OXCT1: variants seen among roughly 807,000 people sequenced by gnomAD.
The protein encoded by OXCT1 is succinyl-CoA:3-ketoacid coenzyme A transferase 1, mitochondrial.
A neutral mutation model predicts 69.6 loss-of-function variants in OXCT1; 27 were observed. The observed-to-expected ratio is 0.39, with a 90% CI of 0.29 to 0.54. The LOEUF is 0.54. Among genes scored for constraint, OXCT1 ranks in the 20% least tolerant of loss-of-function variants. OXCT1 has a pLI of 0.72. For missense variants in OXCT1, 437 were observed against 650.2 expected, an observed-to-expected ratio of 0.67 and a Z score of 3.57; for synonymous variants, 202 against 217.8, an observed-to-expected ratio of 0.93 and a Z score of 0.64.
chr5:41,743,796 G>C (rs1202163626), intron 15 of OXCT1, among the ~76,000 whole-genome samples: 1 of 152,168 alleles, frequency 6.6e-6, no homozygotes, highest in Non-Finnish European at 1.5e-5. Flanking sequence ...TTGTACATAT[G>C]TGGCATTATT....
intron 11 of OXCT1, among the ~76,000 whole-genome samples, chr5:41,798,970 C>T (rs1481159838): frequency 6.6e-6 from 1 of 152,168 alleles, no homozygotes; most frequent in Non-Finnish European, 1.5e-5. Flanking sequence ...ACCTCAGTTT[C>T]CCAATTTGTA....
At chr5:41,806,351 T>C (rs17739462) in intron 8 of OXCT1, among the ~76,000 whole-genome samples, 2,485 of 152,192 alleles carry the variant, frequency 0.016, 98 homozygotes, top group South Asian at 0.08. Flanking sequence ...ATTCTGTTGC[T>C]GATCCCTAGA....
At position 41,731,310 on chromosome 5, in the gene OXCT1, C is replaced by G; in HGVS notation, c.*419G>C. 1 of 949,086 alleles carries G rather than the reference C, an allele frequency of 1.1e-6. No homozygotes were observed. 58.8% of individuals were successfully genotyped at this position (949,086 alleles called of 1,614,324 possible). The stretch of plus-strand genomic sequence containing the variant: ...AAGTCAGAGGAGGCTGAAGAAAAAA[C>G]AATCATGACAGCAACTCTCCTAACC... On this transcript the variant is annotated 3_prime_UTR_variant, in exon 17 of 17. Coordinates refer to ENST00000196371, the MANE Select transcript of OXCT1 (RefSeq NM_000436.4).
intron 5 of OXCT1, among the ~76,000 whole-genome samples, chr5:41,847,857 T>G (rs1179298379): frequency 2.1e-4 from 32 of 149,628 alleles, no homozygotes; most frequent in African/African-American, 7.8e-4. Context: ...GCATTCCCTT[T>G]GAAAACTGGC....
chr5:41,852,663 G>A (rs1300302216), intron 4 of OXCT1, among the ~76,000 whole-genome samples: 1 of 152,150 alleles, frequency 6.6e-6, no homozygotes, highest in Non-Finnish European at 1.5e-5. Flanking sequence ...TCAGTTCCCT[G>A]GGAATCTAGG....
intron 13 of OXCT1, among the ~76,000 whole-genome samples, chr5:41,764,470 A>C (rs1315163404): frequency 6.6e-6 from 1 of 152,156 alleles, no homozygotes; most frequent in Non-Finnish European, 1.5e-5. Flanking sequence ...GATCAAAACA[A>C]GGTCCTTCTC....
At chr5:41,776,782 A>C (rs1745145111) in intron 13 of OXCT1, among the ~76,000 whole-genome samples, 1 of 152,216 alleles carries the variant, frequency 6.6e-6, no homozygotes, top group Non-Finnish European at 1.5e-5. Flanking sequence ...TTTTATTCCC[A>C]ATGGAAAAAA....
intron 13 of OXCT1, among the ~76,000 whole-genome samples, chr5:41,769,409 G>A (rs1241854179): frequency 1.3e-5 from 2 of 152,026 alleles, no homozygotes; most frequent in Admixed American, 1.3e-4. Context: ...CAGTGCCTGT[G>A]CCTTACCACC....
At chr5:41,731,792 A>G (rs199631685) in intron 16 of OXCT1, 22 bp from the exon 17 acceptor site, 2 of 1,602,006 alleles carry the variant, frequency 1.2e-6, no homozygotes, top group East Asian at 4.5e-5. Flanking sequence ...GGAAAAAAAA[A>G]TCAAATTATG....
chr5:41,863,056 T>C (rs1426450183), intron 1 of OXCT1, among the ~76,000 whole-genome samples: 4 of 152,196 alleles, frequency 2.6e-5, no homozygotes, highest in African/African-American at 4.8e-5. Flanking sequence ...CAGAATGCAT[T>C]CTTATAACTT....
intron 7 of OXCT1, among the ~76,000 whole-genome samples, chr5:41,819,334 A>G (rs1418546848): frequency 6.9e-6 from 1 of 144,262 alleles, no homozygotes; most frequent in African/African-American, 2.6e-5. Context: ...AAAACCATTA[A>G]TATGCTAGTA....
At chr5:41,866,400 C>A (rs1348198020) in intron 1 of OXCT1, among the ~76,000 whole-genome samples, 3 of 152,108 alleles carry the variant, frequency 2.0e-5, no homozygotes, top group African/African-American at 7.2e-5. Flanking sequence ...TATTTTGTCA[C>A]CTTACAGTTA....
intron 14 of OXCT1, among the ~76,000 whole-genome samples, chr5:41,754,570 T>C (rs1337520518): frequency 1.3e-5 from 2 of 151,992 alleles, no homozygotes; most frequent in African/African-American, 2.4e-5. Flanking sequence ...AAAAATTTAA[T>C]TTTTTTAAAA....
At chr5:41,735,787 T>G (rs969109553) in intron 16 of OXCT1, among the ~76,000 whole-genome samples, 3 of 152,200 alleles carry the variant, frequency 2.0e-5, no homozygotes, top group Non-Finnish European at 4.4e-5. Context: ...ATTGATGTAA[T>G]TAAATGATTA....
chr5:41,829,867 T>C (rs1748006762), intron 7 of OXCT1, among the ~76,000 whole-genome samples: 1 of 152,138 alleles, frequency 6.6e-6, no homozygotes, highest in Non-Finnish European at 1.5e-5. Context: ...GAGTACATCT[T>C]CATTAGCATC....
chr5:41,840,102 T>A (rs1195914588), intron 7 of OXCT1, among the ~76,000 whole-genome samples: 1 of 152,252 alleles, frequency 6.6e-6, no homozygotes, highest in Non-Finnish European at 1.5e-5. Context: ...GATCATGAAC[T>A]TCTTCTGACA....
chr5:41,740,001 C>T (rs1743087523), intron 15 of OXCT1, among the ~76,000 whole-genome samples: 1 of 151,948 alleles, frequency 6.6e-6, no homozygotes, highest in Admixed American at 6.6e-5. Flanking sequence ...AGTTGTGGAA[C>T]AGTGTTGATG....
At chr5:41,805,790 T>C in intron 8 of OXCT1, 109 bp from the exon 9 acceptor site, 2 of 756,744 alleles carry the variant, frequency 2.6e-6, no homozygotes, top group East Asian at 2.6e-5. Context: ...CCCATTGTTA[T>C]GAGACAAATC....
At chr5:41,828,599 T>C (rs1030248303) in intron 7 of OXCT1, among the ~76,000 whole-genome samples, 6 of 152,212 alleles carry the variant, frequency 3.9e-5, no homozygotes, top group Non-Finnish European at 8.8e-5. Flanking sequence ...TACAGCTGGA[T>C]ACACAAATTT....
Sources: gnomAD v4.1 joint callset for allele counts (sites outside exome capture counted in the v4.1 genomes callset) on GRCh38, gnomAD v4.1.1 for gene constraint, MANE v1.5 for transcripts, NCBI Gene and HGNC (gene_info 2026-07-23, HGNC 2026-07-21) for gene names.